SPIDR: variants seen among roughly 807,000 people sequenced by gnomAD.
The protein encoded by SPIDR is DNA repair-scaffolding protein.
Under a neutral mutation model 104.6 loss-of-function variants are expected in SPIDR, and 93 were observed. The observed-to-expected ratio is 0.89, with a 90% confidence interval of 0.75 to 1.06. The LOEUF is 1.06. Ranked by LOEUF, SPIDR falls within the 50% of genes least tolerant of loss-of-function variation. The probability of loss-of-function intolerance (pLI) is 0.00; values close to 1 mark genes in which losing one functional copy is unlikely to be tolerated. For missense variants in SPIDR, 1,154 were observed against 1,111.2 expected, an observed-to-expected ratio of 1.04 and a Z score of -0.55; for synonymous variants, 431 against 416.9, an observed-to-expected ratio of 1.03 and a Z score of -0.41.
intron 5 of SPIDR, among the ~76,000 whole-genome samples, chr8:47,332,007 T>TTTTTTTTTTTTC (rs2048843362): frequency 9.2e-6 from 1 of 108,872 alleles, no homozygotes; most frequent in Non-Finnish European, 1.9e-5. Flanking sequence ...TTTTTTTTTT[T>TTTTTTTTTTTTC]TTTTATTATA....
intron 11 of SPIDR, among the ~76,000 whole-genome samples, chr8:47,696,084 A>G (rs554642055): frequency 2.0e-5 from 3 of 152,208 alleles, no homozygotes; most frequent in Non-Finnish European, 2.9e-5. Context: ...GCACCCAGTT[A>G]AAGTTATCTG....
chr8:47,314,376 G>A (rs1005967523), intron 5 of SPIDR, among the ~76,000 whole-genome samples: 23 of 152,182 alleles, frequency 1.5e-4, no homozygotes, highest in Non-Finnish European at 2.9e-4. Flanking sequence ...AATGAGATGT[G>A]TGTCAGTCTG....
chr8:47,632,846 A>C (rs937082369), intron 10 of SPIDR, among the ~76,000 whole-genome samples: 2 of 152,206 alleles, frequency 1.3e-5, no homozygotes, highest in Non-Finnish European at 2.9e-5. Flanking sequence ...TGGAGAGGAC[A>C]GTATCTCCAA....
At chr8:47,701,162 G>A (rs62539151) in intron 12 of SPIDR, among the ~76,000 whole-genome samples, 3 of 152,292 alleles carry the variant, frequency 2.0e-5, no homozygotes, top group South Asian at 4.1e-4. Flanking sequence ...CAAAGCACAC[G>A]GTGGCTCATG....
At chr8:47,529,217 C>G (rs973114569) in intron 8 of SPIDR, among the ~76,000 whole-genome samples, 8 of 151,918 alleles carry the variant, frequency 5.3e-5, no homozygotes, top group Non-Finnish European at 1.0e-4. Context: ...GTCAGGAGAT[C>G]GAGACCATCC....
intron 10 of SPIDR, 111 bp downstream of exon 10, chr8:47,599,307 C>A: frequency 7.1e-7 from 1 of 1,400,698 alleles, no homozygotes; most frequent in Non-Finnish European, 9.5e-7. Flanking sequence ...TCACCATATA[C>A]GTGAGCTGTT....
intron 7 of SPIDR, among the ~76,000 whole-genome samples, chr8:47,413,589 AT>A (rs1276697119): frequency 6.6e-6 from 1 of 152,210 alleles, no homozygotes; most frequent in East Asian, 1.9e-4. Context: ...GCATTGACAA[AT>A]TGTAAATATC....
intron 8 of SPIDR, among the ~76,000 whole-genome samples, chr8:47,488,416 C>T (rs1033930824): frequency 2.0e-5 from 3 of 152,156 alleles, no homozygotes; most frequent in Non-Finnish European, 4.4e-5. Context: ...TGAATTCTAC[C>T]AGAGGTACAA....
chr8:47,550,698 A>G (rs1368295785), intron 8 of SPIDR, among the ~76,000 whole-genome samples: 1 of 152,186 alleles, frequency 6.6e-6, no homozygotes, highest in Non-Finnish European at 1.5e-5. Context: ...TAAATATACA[A>G]TCATGGCATC....
At chr8:47,512,317 C>T in intron 8 of SPIDR, among the ~76,000 whole-genome samples, 1 of 152,142 alleles carries the variant, frequency 6.6e-6, no homozygotes, top group Non-Finnish European at 1.5e-5. Context: ...GTTCGTCTCA[C>T]CCTGTCTACA....
chr8:47,588,032 T>A (rs12548736), intron 8 of SPIDR, among the ~76,000 whole-genome samples: 20,800 of 33,778 alleles, frequency 0.62, 4,222 homozygotes, highest in East Asian at 0.71. Flanking sequence ...TTAGCATATA[T>A]ATATATATAT....
chr8:47,562,965 T>C (rs1359346111), intron 8 of SPIDR, among the ~76,000 whole-genome samples: 5 of 152,082 alleles, frequency 3.3e-5, no homozygotes, highest in Non-Finnish European at 7.4e-5. Context: ...GTATGACAAT[T>C]TTTTTTGGCA....
At chr8:47,689,116 A>G (rs1463170972) in intron 11 of SPIDR, among the ~76,000 whole-genome samples, 1 of 152,154 alleles carries the variant, frequency 6.6e-6, no homozygotes, top group East Asian at 1.9e-4. Flanking sequence ...TTGTCTTTTT[A>G]TCGGCAGAAG....
chr8:47,409,264 T>G (rs2063179876), intron 7 of SPIDR, among the ~76,000 whole-genome samples: 1 of 147,884 alleles, frequency 6.8e-6, no homozygotes, highest in Non-Finnish European at 1.5e-5. Context: ...GAAAACTGAC[T>G]TTTTTTTTTT....
chr8:47,635,702 G>A (rs2067803246), intron 10 of SPIDR, among the ~76,000 whole-genome samples: 1 of 151,916 alleles, frequency 6.6e-6, no homozygotes, highest in Non-Finnish European at 1.5e-5. Context: ...ACTCCAGCTG[G>A]GGCAACATAG....
chr8:47,299,613 G>C (rs1190433373), intron 5 of SPIDR, among the ~76,000 whole-genome samples: 2 of 152,126 alleles, frequency 1.3e-5, no homozygotes, highest in African/African-American at 4.8e-5. Flanking sequence ...TTATTATTTT[G>C]AGATACGTCC....
intron 8 of SPIDR, among the ~76,000 whole-genome samples, chr8:47,494,924 A>C (rs141595552): frequency 6.6e-6 from 1 of 152,174 alleles, no homozygotes; most frequent in African/African-American, 2.4e-5. Flanking sequence ...TGATTTATTT[A>C]TGTTTTCACC....
chr8:47,301,545 G>T (rs1713606673), intron 5 of SPIDR, among the ~76,000 whole-genome samples: 1 of 150,780 alleles, frequency 6.6e-6, no homozygotes, highest in South Asian at 2.1e-4. Flanking sequence ...AGCCTTGATG[G>T]TCTTTGCAGT....
chr8:47,315,698 A>C (rs2045207335), intron 5 of SPIDR, among the ~76,000 whole-genome samples: 1 of 152,184 alleles, frequency 6.6e-6, no homozygotes, highest in Admixed American at 6.5e-5. Context: ...AAAGCATATA[A>C]ATGGAGCAGA....
Sources: gnomAD v4.1 joint callset for allele counts (sites outside exome capture counted in the v4.1 genomes callset) on GRCh38, gnomAD v4.1.1 for gene constraint, MANE v1.5 for transcripts, NCBI Gene and HGNC (gene_info 2026-07-23, HGNC 2026-07-21) for gene names.